Variants in PRELID2 observed in about 807,000 individuals in gnomAD.
The protein encoded by PRELID2 is PRELI domain containing 2, also known as PRELI domain-containing protein 2.
In PRELID2, 25 loss-of-function variants were observed where a neutral mutation model predicts 28.4. The ratio of observed to expected loss-of-function variants is 0.88; its 90% CI spans 0.64 to 1.23. The LOEUF (loss-of-function observed/expected upper bound fraction) is 1.23. PRELID2 is among the 50% of genes most tolerant of loss of function. The pLI is 0.00. For missense variants in PRELID2, 201 were observed against 214.4 expected, an observed-to-expected ratio of 0.94 and a Z score of 0.39; for synonymous variants, 76 against 71.6, an observed-to-expected ratio of 1.06 and a Z score of -0.31.
In PRELID2 at chr5:145,789,468, G is replaced by A. The variant is rs576971592; in HGVS notation, c.474+6974C>T. Among the ~76,000 whole-genome samples the A allele has an allele frequency of 3.9e-5, 6 of 152,178 alleles. No homozygotes were observed. The South Asian group carries it at 1.2e-3, about 32-fold the overall frequency. On this transcript the variant is annotated intron_variant, in intron 5 of 6. Transcript: ENST00000683046. ...CACATAGAATAATAAAATTGGACCT[G>A]TATCTCACACCATATACAAAAATCA...
At chr5:145,261,387 C>T in the PRELID2 span, among the ~76,000 whole-genome samples, 1 of 152,146 alleles carries the variant, frequency 6.6e-6, no homozygotes, top group Non-Finnish European at 1.5e-5. Context: ...AAAACCAGTG[C>T]ACAACAAAAG....
chr5:145,644,912 G>T (rs991698579), intron 1 of PRELID2, among the ~76,000 whole-genome samples: 1 of 152,162 alleles, frequency 6.6e-6, no homozygotes, highest in Non-Finnish European at 1.5e-5. Flanking sequence ...TTTTGCATTT[G>T]CTGAGGAGTG....
chr5:145,698,915 C>T (rs575611203), intron 1 of PRELID2, among the ~76,000 whole-genome samples: 119 of 152,176 alleles, frequency 7.8e-4, no homozygotes, highest in African/African-American at 2.6e-3. Flanking sequence ...TTAGTAGAGA[C>T]GAGGTTTCGC....
At chr5:145,312,857 T>C in the PRELID2 span, among the ~76,000 whole-genome samples, 8 of 152,192 alleles carry the variant, frequency 5.3e-5, no homozygotes, top group African/African-American at 1.9e-4. Flanking sequence ...TGATTCTATT[T>C]CTTCTAGCTA....
chr5:145,439,084 C>T, the PRELID2 span, among the ~76,000 whole-genome samples: 1 of 152,126 alleles, frequency 6.6e-6, no homozygotes, highest in South Asian at 2.1e-4. Context: ...TCCTCCTTTA[C>T]TTGTGTCCCC....
intron 1 of PRELID2, among the ~76,000 whole-genome samples, chr5:145,520,443 C>T (rs551351507): frequency 2.0e-5 from 3 of 152,296 alleles, no homozygotes; most frequent in Admixed American, 6.5e-5. Context: ...CCCCTTCCCA[C>T]GCTGAACCAC....
At chr5:145,708,409 T>C (rs1322781022) in intron 1 of PRELID2, among the ~76,000 whole-genome samples, 2 of 152,130 alleles carry the variant, frequency 1.3e-5, no homozygotes, top group Non-Finnish European at 2.9e-5. Context: ...AATAAAATAG[T>C]TTATTGAGTT....
intron 1 of PRELID2, among the ~76,000 whole-genome samples, chr5:145,739,461 C>T (rs1337084335): frequency 6.6e-6 from 1 of 152,102 alleles, no homozygotes; most frequent in African/African-American, 2.4e-5. Flanking sequence ...GCCGAGATTG[C>T]ACCACTGCAC....
intron 1 of PRELID2, among the ~76,000 whole-genome samples, chr5:145,746,893 C>T (rs1355094601): frequency 6.6e-6 from 1 of 152,150 alleles, no homozygotes; most frequent in Non-Finnish European, 1.5e-5. Flanking sequence ...CAAAACCACA[C>T]AATTACATGG....
chr5:145,334,028 G>T, the PRELID2 span, among the ~76,000 whole-genome samples: 1 of 152,064 alleles, frequency 6.6e-6, no homozygotes, highest in Non-Finnish European at 1.5e-5. Flanking sequence ...CCTTAGCTAG[G>T]GGAGGGAATT....
intron 1 of PRELID2, among the ~76,000 whole-genome samples, chr5:145,831,560 T>C (rs1465495254): frequency 6.6e-6 from 1 of 152,094 alleles, no homozygotes; most frequent in Non-Finnish European, 1.5e-5. Flanking sequence ...AAGGGGAAAA[T>C]TCACCCAGCA....
the PRELID2 span, among the ~76,000 whole-genome samples, chr5:145,380,832 T>G: frequency 6.6e-6 from 1 of 152,292 alleles, no homozygotes; most frequent in East Asian, 1.9e-4. Flanking sequence ...CCTAAAATAT[T>G]GTCATCCATA....
At chr5:145,609,533 G>A (rs780834825) in intron 1 of PRELID2, among the ~76,000 whole-genome samples, 2 of 152,234 alleles carry the variant, frequency 1.3e-5, no homozygotes, top group Non-Finnish European at 2.9e-5. Flanking sequence ...GCCCTAATCC[G>A]CTGTCTGAGT....
the PRELID2 span, among the ~76,000 whole-genome samples, chr5:145,284,575 G>A: frequency 1.3e-5 from 2 of 152,116 alleles, no homozygotes; most frequent in African/African-American, 4.8e-5. Flanking sequence ...TACTCTGGAA[G>A]TGGGAGAAAG....
the PRELID2 span, among the ~76,000 whole-genome samples, chr5:145,433,442 T>C: frequency 1.3e-5 from 2 of 152,134 alleles, no homozygotes; most frequent in African/African-American, 2.4e-5. Flanking sequence ...ATTGTGTCAA[T>C]AGGGAAACTG....
the PRELID2 span, among the ~76,000 whole-genome samples, chr5:145,294,482 T>C: frequency 6.6e-6 from 1 of 152,144 alleles, no homozygotes; most frequent in African/African-American, 2.4e-5. Context: ...TACACAGCTG[T>C]AGAAACAGTT....
At chr5:145,787,691 C>A (rs565206209) in intron 5 of PRELID2, among the ~76,000 whole-genome samples, 1 of 152,102 alleles carries the variant, frequency 6.6e-6, no homozygotes, top group African/African-American at 2.4e-5. Flanking sequence ...AGGCATGCAA[C>A]AACATGCCCA....
intron 1 of PRELID2, among the ~76,000 whole-genome samples, chr5:145,713,943 C>A (rs1276443696): frequency 6.6e-6 from 1 of 151,088 alleles, no homozygotes; most frequent in Non-Finnish European, 1.5e-5. Context: ...TGAAATTGTT[C>A]TTCAAATATG....
intron 1 of PRELID2, among the ~76,000 whole-genome samples, chr5:145,530,393 A>G (rs998573199): frequency 7.2e-5 from 11 of 152,118 alleles, no homozygotes; most frequent in Non-Finnish European, 7.4e-5. Context: ...ACCTTGGAGA[A>G]TCAGAGGAGG....
Sources: gnomAD v4.1 joint callset for allele counts (sites outside exome capture counted in the v4.1 genomes callset) on GRCh38, gnomAD v4.1.1 for gene constraint, MANE v1.5 for transcripts, NCBI Gene and HGNC (gene_info 2026-07-23, HGNC 2026-07-21) for gene names.